CPNE2: variants seen among roughly 807,000 people sequenced by gnomAD.
CPNE2 encodes copine 2.
CPNE2 carries 42 observed loss-of-function variants against 69.7 expected under a neutral mutation model. The observed-to-expected ratio is 0.60, with a 90% CI of 0.47 to 0.78. The LOEUF (loss-of-function observed/expected upper bound fraction) is 0.78, where lower values mean the gene tolerates loss of function less well. Among genes scored for constraint, CPNE2 ranks in the 30% least tolerant of loss-of-function variants. The pLI is 0.00. For missense variants in CPNE2, 587 were observed against 732.0 expected (o/e 0.80, Z 2.29); for synonymous variants, 294 against 289.8 (o/e 1.01, Z -0.15).
rs532157508 is a variant in CPNE2, at chr16:57,147,477, T to C, written c.1540-74T>C. On this transcript the variant is annotated intron_variant, in intron 15 of 15. Coordinates refer to ENST00000290776, the MANE Select transcript of CPNE2 (RefSeq NM_152727.6). Reference sequence around the variant, plus strand: ...ACCTGCTGTAGCAGCCCTCTGGGCATAGTGCCGCTCACAACTTCCGGTCAT... The same window carrying C: ...ACCTGCTGTAGCAGCCCTCTGGGCACAGTGCCGCTCACAACTTCCGGTCAT... The C allele has an allele frequency of 5.0e-5, 56 of 1,117,138 alleles. No individual in the cohort carries two copies. In the African/African-American group the frequency reaches 7.0e-4, roughly 14 times the overall value. The allele number at this position is 1,117,138 out of a possible 1,614,324, so 69.2% of individuals were successfully genotyped here. A position where few individuals can be genotyped will look rare whatever the true frequency, so the allele number is the denominator to read the frequency against.
chr16:57,115,406 G>A (rs142941150), intron 3 of CPNE2, 70 bp from the exon 4 acceptor site: 16,221 of 1,268,200 alleles, frequency 0.013, 140 homozygotes, highest in Non-Finnish European at 0.016. Flanking sequence ...TTCCGGTGCC[G>A]GTGGAGGATT....
At chr16:57,140,591 G>T (rs2069914479) in intron 14 of CPNE2, among the ~76,000 whole-genome samples, 1 of 150,824 alleles carries the variant, frequency 6.6e-6, no homozygotes, top group African/African-American at 2.4e-5. Flanking sequence ...TTGAGACAAA[G>T]TCTCATTCTG....
intron 5 of CPNE2, among the ~76,000 whole-genome samples, chr16:57,118,708 A>T (rs984732114): frequency 7.9e-5 from 12 of 152,090 alleles, no homozygotes; most frequent in African/African-American, 2.2e-4. Flanking sequence ...ATAGATAGAT[A>T]GAGTGAGTCA....
intron 13 of CPNE2, among the ~76,000 whole-genome samples, chr16:57,136,215 C>A (rs2069879622): frequency 6.6e-6 from 1 of 152,194 alleles, no homozygotes; most frequent in South Asian, 2.1e-4. Context: ...CATCTACCTT[C>A]CCTGGGGATC....
intron 1 of CPNE2, among the ~76,000 whole-genome samples, chr16:57,094,677 A>G (rs2069567049): frequency 6.6e-6 from 1 of 152,120 alleles, no homozygotes; most frequent in African/African-American, 2.4e-5. Flanking sequence ...CATTGTCATT[A>G]TCCATGGGAA....
chr16:57,134,298 G>A (rs890998527), intron 12 of CPNE2, among the ~76,000 whole-genome samples: 2 of 152,122 alleles, frequency 1.3e-5, no homozygotes, highest in Non-Finnish European at 2.9e-5. Context: ...GCTCACCCCC[G>A]TTTGGCTGTC....
chr16:57,123,974 T>G (rs1208376446), intron 10 of CPNE2: 1 of 175,692 alleles, frequency 5.7e-6, no homozygotes, highest in African/African-American at 2.4e-5. Context: ...CTGCCATTTT[T>G]CAGGCCTGAG....
At chr16:57,117,396 C>A in intron 4 of CPNE2, 100 bp from the exon 5 acceptor site, 1 of 1,207,562 alleles carries the variant, frequency 8.3e-7, no homozygotes, top group South Asian at 1.3e-5. Flanking sequence ...TTCCCTTCCC[C>A]CTCCTAGCCC....
intron 14 of CPNE2, among the ~76,000 whole-genome samples, chr16:57,137,844 C>T (rs1175114787): frequency 6.6e-6 from 1 of 152,242 alleles, no homozygotes; most frequent in Non-Finnish European, 1.5e-5. Flanking sequence ...AGGCTGGCTC[C>T]CAGGCAGGCC....
At chr16:57,121,893 C>T (rs1404822234) in intron 9 of CPNE2, 133 bp downstream of exon 9, 3 of 759,356 alleles carry the variant, frequency 4.0e-6, no homozygotes, top group Non-Finnish European at 4.4e-6. Context: ...GGCCCTATGG[C>T]CTTCTGAGCT....
intron 6 of CPNE2, 50 bp downstream of exon 6, chr16:57,119,328 G>A (rs2069743851): frequency 6.4e-7 from 1 of 1,568,912 alleles, no homozygotes; most frequent in African/African-American, 1.4e-5. Flanking sequence ...CTGCAGTCCA[G>A]CCCCTCCACA....
intron 1 of CPNE2, among the ~76,000 whole-genome samples, chr16:57,105,012 G>A (rs2069639407): frequency 6.6e-6 from 1 of 152,184 alleles, no homozygotes; most frequent in African/African-American, 2.4e-5. Flanking sequence ...ACCTGGATGA[G>A]GAGGTCACAG....
chr16:57,115,512 C>G lies in CPNE2; in HGVS notation c.397C>G (p.Leu133Val). The G allele has an allele frequency of 2.5e-6, 4 of 1,612,918 alleles. No individual in the cohort carries two copies. The highest frequency in any genetic ancestry group is 3.4e-6 in the Non-Finnish European group (4 of 1,179,376). ...CAAGAAGATCACTAGGCCTCTGCTG[C>G]TGCTGAATGACAAGCCTGCGGGGAA... ...SSKKITRPLL[L>V]LNDKPAGKGL... is the part of the protein sequence containing the mutation. The change falls in exon 4 of 16, where the codon CTG (leucine) becomes GTG (valine). Residue 133 changes from leucine (L) to valine (V), a missense_variant. Coordinates refer to ENST00000290776, the MANE Select transcript of CPNE2 (RefSeq NM_152727.6).
chr16:57,129,219 G>A (rs1315864485), intron 12 of CPNE2: 2 of 152,390 alleles, frequency 1.3e-5, no homozygotes, highest in African/African-American at 4.8e-5. Flanking sequence ...GGGCCACGGG[G>A]ACCCCTGCAG....
chr16:57,114,934 CAAA>C (rs55845635), intron 3 of CPNE2, among the ~76,000 whole-genome samples: 6 of 39,050 alleles, frequency 1.5e-4, no homozygotes, highest in African/African-American at 2.2e-4. Flanking sequence ...TTGTCTCTAC[CAAA>C]AAAAAAAAAA....
intron 5 of CPNE2, among the ~76,000 whole-genome samples, chr16:57,117,866 C>G (rs1306966526): frequency 6.6e-6 from 1 of 152,122 alleles, no homozygotes; most frequent in African/African-American, 2.4e-5. Context: ...CTGATGTGTC[C>G]CCAGTGCCCC....
chr16:57,119,347 A>G, intron 6 of CPNE2, 69 bp downstream of exon 6: 6 of 1,513,920 alleles, frequency 4.0e-6, no homozygotes, highest in Non-Finnish European at 5.5e-6. Flanking sequence ...CAGCTCTGAA[A>G]AAGGGAGGTG....
At chr16:57,111,105 T>C (rs1474893212) in intron 2 of CPNE2, among the ~76,000 whole-genome samples, 183 bp downstream of exon 2, 9 of 99,890 alleles carry the variant, frequency 9.0e-5, no homozygotes, top group African/African-American at 5.6e-4. Context: ...ATATTTAAAA[T>C]ATTACTTTGT....
intron 12 of CPNE2, among the ~76,000 whole-genome samples, chr16:57,131,394 G>A (rs1336551811): frequency 6.6e-6 from 1 of 152,186 alleles, no homozygotes; most frequent in Admixed American, 6.5e-5. Context: ...GGCAGGAGAT[G>A]TGGGTGTCCT....
Sources: allele counts gnomAD v4.1 joint callset (sites outside exome capture counted in the v4.1 genomes callset), GRCh38; gene constraint gnomAD v4.1.1; transcripts MANE v1.5; gene names NCBI Gene and HGNC (gene_info 2026-07-23, HGNC 2026-07-21).